Variants in SYNE1 observed in about 807,000 individuals in gnomAD.
SYNE1 encodes spectrin repeat containing nuclear envelope protein 1, also known as nesprin-1.
Under a neutral mutation model 1,111.0 loss-of-function variants are expected in SYNE1, and 616 were observed. The observed-to-expected ratio is 0.55, with a 90% CI of 0.52 to 0.59. The LOEUF (loss-of-function observed/expected upper bound fraction) is 0.59. Among genes scored for constraint, SYNE1 ranks in the 20% least tolerant of loss-of-function variants. SYNE1 has a pLI of 0.00. For missense variants in SYNE1, 10,006 were observed against 10,417.0 expected, an observed-to-expected ratio of 0.96 and a Z score of 1.72; for synonymous variants, 3,855 against 3,825.8, an observed-to-expected ratio of 1.01 and a Z score of -0.28.
chr6:152,158,252 C>T (rs2061745909), intron 131 of SYNE1, among the ~76,000 whole-genome samples: 1 of 152,158 alleles, frequency 6.6e-6, no homozygotes, highest in Admixed American at 6.6e-5. Flanking sequence ...AAAGTAAGCT[C>T]TACCAGTATC....
chr6:152,382,239 T>C (rs543647173), intron 55 of SYNE1, among the ~76,000 whole-genome samples: 2 of 152,330 alleles, frequency 1.3e-5, no homozygotes, highest in East Asian at 3.9e-4. Flanking sequence ...TTTGTTAATA[T>C]TATTACAAAA....
chr6:152,122,190 G>C lies in SYNE1; in HGVS notation c.*246C>G, dbSNP rs2051545328. On this transcript the variant is annotated 3_prime_UTR_variant, in exon 146 of 146. Coordinates refer to ENST00000367255, the MANE Select transcript of SYNE1 (RefSeq NM_182961.4). ...TGGAGGTCCTTACTCAATCTCCTTAGTGCTAAGGTTCAGAGTCTCAAACCA... is the reference window on the plus strand; with the variant it reads ...TGGAGGTCCTTACTCAATCTCCTTACTGCTAAGGTTCAGAGTCTCAAACCA... The C allele has an allele frequency of 1.7e-6, 1 of 577,784 alleles. No individual in the cohort carries two copies. Among genetic ancestry groups the C allele is most frequent in the Non-Finnish European group, 3.0e-6 (1 of 330,732 alleles). The allele number at this position is 577,784 out of a possible 1,614,324, so 35.8% of individuals were successfully genotyped here.
chr6:152,256,556 A>C, intron 102 of SYNE1, 78 bp downstream of exon 102: 13 of 1,593,046 alleles, frequency 8.2e-6, no homozygotes, highest in Non-Finnish European at 1.1e-5. Context: ...CAACAGTCTC[A>C]CAGAGGCCAG....
intron 3 of SYNE1, among the ~76,000 whole-genome samples, chr6:152,599,988 A>G (rs1440039069): frequency 2.0e-5 from 3 of 152,248 alleles, no homozygotes; most frequent in Admixed American, 1.3e-4. Context: ...GAACCAAAAA[A>G]TAATGTGAGA....
intron 142 of SYNE1, 129 bp from the exon 143 acceptor site, chr6:152,133,617 C>T: frequency 1.1e-6 from 1 of 912,466 alleles, no homozygotes. Context: ...GGAGCTCACA[C>T]ACTAAAGGAT....
intron 3 of SYNE1, among the ~76,000 whole-genome samples, chr6:152,605,029 A>AGGGG (rs1377874722): frequency 1.0e-3 from 55 of 52,962 alleles, no homozygotes; most frequent in East Asian, 2.3e-3. Flanking sequence ...AGAGAGAGAG[A>AGGGG]GAGAGAGGGA....
chr6:152,524,863 T>C (rs998139892), intron 5 of SYNE1, among the ~76,000 whole-genome samples: 1 of 152,202 alleles, frequency 6.6e-6, no homozygotes, highest in African/African-American at 2.4e-5. Context: ...AGAATTACCC[T>C]GTAATTTTAG....
chr6:152,632,060 C>T (rs537179731), intron 2 of SYNE1, among the ~76,000 whole-genome samples: 14 of 152,282 alleles, frequency 9.2e-5, no homozygotes, highest in East Asian at 1.9e-4. Context: ...CTAACATCAA[C>T]GATCCATACT....
intron 3 of SYNE1, among the ~76,000 whole-genome samples, chr6:152,603,869 ATAC>A (rs1322807953): frequency 8.1e-6 from 1 of 124,118 alleles, no homozygotes; most frequent in Non-Finnish European, 1.7e-5. Flanking sequence ...ATAGATAGAT[ATAC>A]TATCTATCTA....
At chr6:152,427,136 A>T (rs2098370935) in intron 38 of SYNE1, among the ~76,000 whole-genome samples, 1 of 152,220 alleles carries the variant, frequency 6.6e-6, no homozygotes, top group Non-Finnish European at 1.5e-5. Flanking sequence ...CTTTAAGTTT[A>T]AAAAATTGGC....
intron 3 of SYNE1, among the ~76,000 whole-genome samples, chr6:152,541,135 C>T (rs2257075): frequency 0.22 from 33,336 of 152,014 alleles, 3,759 homozygotes; most frequent in Middle Eastern, 0.32. Context: ...TTTGGATAGG[C>T]TTTAATTAGA....
rs1364742911 is a variant in SYNE1, at chr6:152,325,302, C to T, written c.15439G>A (p.Ala5147Thr). Reference sequence around the variant, plus strand: ...AAAGAGTTAACCACTGACACTAAAGCCTAGGGTTGGGGGTGGAGGACGGAA... The same window carrying T: ...AAAGAGTTAACCACTGACACTAAAGTCTAGGGTTGGGGGTGGAGGACGGAA... ...EAEEKLSEHK[A>T]LVSVVNSFHE... Residue 5147 changes from alanine (A) to threonine (T), a missense_variant and splice_region_variant, in exon 81 of 146, where the codon GCT (alanine) becomes ACT (threonine). Around this residue, in one of 7 missense-constraint regions of SYNE1, gnomAD observed 4,955 missense variants for 5,017.2 expected, o/e 0.99. Coordinates refer to ENST00000367255, the MANE Select transcript of SYNE1 (RefSeq NM_182961.4). 1.2e-6 allele frequency: 2 copies of T among 1,613,904 alleles called. No individual in the cohort carries two copies. The highest frequency in any genetic ancestry group is 1.3e-5 in the African/African-American group (1 of 74,892).
chr6:152,244,900 G>A (rs2086725103), intron 105 of SYNE1, among the ~76,000 whole-genome samples: 1 of 152,172 alleles, frequency 6.6e-6, no homozygotes, highest in Non-Finnish European at 1.5e-5. Context: ...GAAAGTCAGG[G>A]TAGAGGGCTG....
At chr6:152,501,330 A>C (rs111226307) in intron 10 of SYNE1, among the ~76,000 whole-genome samples, 1 of 152,188 alleles carries the variant, frequency 6.6e-6, no homozygotes, top group Non-Finnish European at 1.5e-5. Flanking sequence ...AATAGGACAA[A>C]CTTTCTGGTT....
chr6:152,254,288 G>A (rs762665709), intron 104 of SYNE1, among the ~76,000 whole-genome samples: 38 of 112,226 alleles, frequency 3.4e-4, no homozygotes, highest in Non-Finnish European at 5.9e-4. Context: ...GTCTTGCTCT[G>A]TCACCTAGGC....
intron 4 of SYNE1, among the ~76,000 whole-genome samples, 157 bp downstream of exon 4, chr6:152,539,803 T>C (rs1263720932): frequency 6.6e-6 from 1 of 152,200 alleles, no homozygotes; most frequent in African/African-American, 2.4e-5. Context: ...TGTTAGCAAA[T>C]TCCACTCTTA....
At chr6:152,623,556 C>G (rs759083191) in intron 3 of SYNE1, among the ~76,000 whole-genome samples, 4 of 152,060 alleles carry the variant, frequency 2.6e-5, no homozygotes, top group Admixed American at 6.6e-5. Context: ...TTCTACACAG[C>G]AAAAGAAACT....
intron 33 of SYNE1, chr6:152,435,707 C>T: frequency 1.7e-6 from 1 of 584,300 alleles, no homozygotes; most frequent in East Asian, 2.8e-5. Flanking sequence ...TTCTCATGAA[C>T]ATGATCAGTT....
At chr6:152,145,471 G>C (rs751033622) in intron 137 of SYNE1, 1 of 1,613,302 alleles carries the variant, frequency 6.2e-7, no homozygotes, top group South Asian at 1.1e-5. Context: ...GGCTGGCTCC[G>C]GCTTGTTGTG....
Sources: gnomAD v4.1 joint callset for allele counts (sites outside exome capture counted in the v4.1 genomes callset) on GRCh38, gnomAD v4.1.1 for gene constraint, gnomAD v4.1.1 regional missense constraint, MANE v1.5 for transcripts, NCBI Gene and HGNC (gene_info 2026-07-23, HGNC 2026-07-21) for gene names.